The following VPS13B variants were observed in gnomAD, a reference collection of about 807,000 sequenced individuals.
VPS13B encodes the protein vacuolar protein sorting 13 homolog B.
VPS13B carries 285 observed loss-of-function variants against 426.4 expected under a neutral mutation model. The observed-to-expected ratio is 0.67, with a 90% confidence interval of 0.61 to 0.74. VPS13B has a LOEUF of 0.74. VPS13B is among the 30% of genes least tolerant of loss of function. The pLI, the probability that VPS13B is intolerant of heterozygous loss-of-function variation, is 0.00. For missense variants in VPS13B, 4,537 were observed against 4,782.6 expected, an observed-to-expected ratio of 0.95 and a Z score of 1.51; for synonymous variants, 1,676 against 1,676.4, an observed-to-expected ratio of 1.00 and a Z score of 0.01.
chr8:99,106,318 C>G (rs927815521), intron 5 of VPS13B, among the ~76,000 whole-genome samples: 1 of 150,606 alleles, frequency 6.6e-6, no homozygotes, highest in African/African-American at 2.4e-5. Context: ...GCCTGTAATC[C>G]TAGCTACTTG....
intron 33 of VPS13B, among the ~76,000 whole-genome samples, chr8:99,621,041 A>G (rs1828328390): frequency 6.6e-6 from 1 of 151,960 alleles, no homozygotes. Context: ...TACTGGAGAA[A>G]GAAAAACTAG....
intron 19 of VPS13B, among the ~76,000 whole-genome samples, chr8:99,371,726 T>G (rs950031344): frequency 6.6e-6 from 1 of 152,200 alleles, no homozygotes; most frequent in Non-Finnish European, 1.5e-5. Context: ...TTCCATTTGT[T>G]TGTGTCCTCT....
intron 29 of VPS13B, among the ~76,000 whole-genome samples, chr8:99,516,312 G>A (rs1219411367): frequency 6.6e-6 from 1 of 152,058 alleles, no homozygotes; most frequent in Non-Finnish European, 1.5e-5. Context: ...GATTGGATGT[G>A]TCCATTTAAT....
intron 19 of VPS13B, among the ~76,000 whole-genome samples, chr8:99,319,837 A>T (rs1266072137): frequency 6.6e-6 from 1 of 152,218 alleles, no homozygotes; most frequent in African/African-American, 2.4e-5. Flanking sequence ...AACTGGGATG[A>T]TAATATCTCA....
At position 99,658,891 on chromosome 8, in the gene VPS13B, C is replaced by CTT. The variant is rs1290420652; in HGVS notation, c.5909-2462_5909-2461insTT. 2.6e-5 allele frequency among the ~76,000 whole-genome samples: 4 copies of CTT among 152,216 alleles called. No homozygotes were observed. In the East Asian group the frequency reaches 7.7e-4, roughly 29 times the overall value. The stretch of plus-strand genomic sequence containing the variant: ...CGTGCAGTGGCACAATCACGGCTCA[C>CTT]TGCAGCCTTAACCTCCCAGGCTCAG... On this transcript the variant is annotated intron_variant, in intron 34 of 61. Coordinates refer to ENST00000357162, the MANE Select transcript of VPS13B (RefSeq NM_152564.5).
chr8:99,601,305 C>A (rs1003518263), intron 33 of VPS13B, among the ~76,000 whole-genome samples: 1 of 152,144 alleles, frequency 6.6e-6, no homozygotes, highest in South Asian at 2.1e-4. Flanking sequence ...CACCTTCGTT[C>A]ATGTCCCTGC....
At chr8:99,213,571 A>T (rs1815224044) in intron 17 of VPS13B, among the ~76,000 whole-genome samples, 1 of 152,164 alleles carries the variant, frequency 6.6e-6, no homozygotes, top group African/African-American at 2.4e-5. Flanking sequence ...TAGTCCATAC[A>T]TACTTTTCTC....
chr8:99,429,721 G>C (rs946648261), intron 21 of VPS13B: 1 of 152,132 alleles, frequency 6.6e-6, no homozygotes, highest in African/African-American at 2.4e-5. Context: ...TGCTTCTGCT[G>C]TCTCTTACAA....
intron 25 of VPS13B, among the ~76,000 whole-genome samples, chr8:99,489,188 T>G (rs1351798995): frequency 6.6e-6 from 1 of 152,058 alleles, no homozygotes. Flanking sequence ...AAGATCAGAT[T>G]GTTGTAGATG....
chr8:99,467,209 G>A (rs574259780), intron 23 of VPS13B, among the ~76,000 whole-genome samples: 3 of 152,178 alleles, frequency 2.0e-5, no homozygotes, highest in African/African-American at 7.2e-5. Flanking sequence ...TTCTGTTAAT[G>A]TACGGTTTAT....
At chr8:99,056,819 T>A (rs949803105) in intron 3 of VPS13B, among the ~76,000 whole-genome samples, 5 of 152,158 alleles carry the variant, frequency 3.3e-5, no homozygotes, top group African/African-American at 1.2e-4. Context: ...TTCACAGGAA[T>A]ATTTTTACTG....
chr8:99,606,633 T>TC (rs1208268000), intron 33 of VPS13B, among the ~76,000 whole-genome samples: 1 of 147,626 alleles, frequency 6.8e-6, no homozygotes, highest in East Asian at 2.0e-4. Context: ...TCTTTTCTTT[T>TC]TTTTTTTTTT....
chr8:99,494,229 A>G (rs917438878), intron 25 of VPS13B, among the ~76,000 whole-genome samples: 1 of 152,148 alleles, frequency 6.6e-6, no homozygotes, highest in Admixed American at 6.5e-5. Flanking sequence ...ACATTGTTAT[A>G]CAACCTTCAC....
intron 16 of VPS13B, among the ~76,000 whole-genome samples, chr8:99,176,159 C>T (rs928509244): frequency 2.7e-5 from 4 of 149,740 alleles, no homozygotes; most frequent in African/African-American, 7.4e-5. Context: ...TTTTTTGAGA[C>T]GAAGTCTTGG....
At chr8:99,480,864 G>T (rs956819468) in intron 24 of VPS13B, among the ~76,000 whole-genome samples, 2 of 152,074 alleles carry the variant, frequency 1.3e-5, no homozygotes, top group African/African-American at 4.8e-5. Flanking sequence ...TCCAGCTGTG[G>T]ATTTGCTTAC....
At chr8:99,603,794 C>A (rs1199706244) in intron 33 of VPS13B, among the ~76,000 whole-genome samples, 1 of 152,128 alleles carries the variant, frequency 6.6e-6, no homozygotes, top group Non-Finnish European at 1.5e-5. Context: ...GGTAGATTCA[C>A]AGGTTTTGTT....
chr8:99,196,742 A>T (rs993056922), intron 17 of VPS13B, among the ~76,000 whole-genome samples: 3 of 151,974 alleles, frequency 2.0e-5, no homozygotes, highest in Non-Finnish European at 4.4e-5. Context: ...CCTGGCTGGG[A>T]TTTTTACGTA....
chr8:99,590,729 A>T (rs1228161011), intron 33 of VPS13B, among the ~76,000 whole-genome samples: 1 of 152,042 alleles, frequency 6.6e-6, no homozygotes, highest in East Asian at 1.9e-4. Context: ...GTTCTTTTAC[A>T]TTTGCTGAGG....
intron 17 of VPS13B, among the ~76,000 whole-genome samples, chr8:99,264,836 T>C (rs932888760): frequency 6.6e-6 from 1 of 152,136 alleles, no homozygotes; most frequent in African/African-American, 2.4e-5. Context: ...CCCATTTTCT[T>C]TTAATAGTTC....
Sources: gnomAD v4.1 joint callset for allele counts (sites outside exome capture counted in the v4.1 genomes callset) on GRCh38, gnomAD v4.1.1 for gene constraint, MANE v1.5 for transcripts, NCBI Gene and HGNC (gene_info 2026-07-23, HGNC 2026-07-21) for gene names.